VEPH1: variants seen among roughly 807,000 people sequenced by gnomAD.
VEPH1 encodes the protein ventricular zone-expressed PH domain-containing protein homolog 1.
Under a neutral mutation model 85.2 loss-of-function variants are expected in VEPH1, and 80 were observed. That is an observed-to-expected ratio of 0.94 (90% CI 0.78 to 1.13). VEPH1 has a LOEUF of 1.13. Among genes scored for constraint, VEPH1 ranks in the 50% most tolerant of loss-of-function variants. The pLI is 0.00. For synonymous variants in VEPH1, 297 were observed against 348.0 expected (o/e 0.85, Z 1.63); for missense variants, 955 against 980.5 (o/e 0.97, Z 0.35).
At chr3:157,281,986 G>T (rs1177915263) in intron 12 of VEPH1, among the ~76,000 whole-genome samples, 2 of 152,004 alleles carry the variant, frequency 1.3e-5, no homozygotes, top group Non-Finnish European at 2.9e-5. Context: ...TTTCACATTG[G>T]CATCTAGAGT....
chr3:157,261,175 C>T lies in VEPH1; in HGVS notation c.2461G>A (p.Ala821Thr). The T allele has an allele frequency of 6.2e-7, 1 of 1,613,758 alleles. No homozygotes were observed. Among genetic ancestry groups the T allele is most frequent in the East Asian group, 2.2e-5 (1 of 44,874 alleles). ...ACTTCTCTACTTTCCCTTTCTTTGG[C>T]TTGGGCAACTGCCACGTTGATGCAC... The part of the protein sequence containing the change: ...LQCINVAVAQ[A>T]KERESREVTT... The change falls in exon 14 of 14, where the codon GCC (alanine) becomes ACC (threonine). Residue 821 changes from alanine (A) to threonine (T), a missense_variant. By Grantham distance (58) the Ala-to-Thr change is moderately conservative. Coordinates refer to ENST00000362010, the MANE Select transcript of VEPH1 (RefSeq NM_001167912.2).
chr3:157,468,744 T>G (rs774337252), intron 3 of VEPH1, among the ~76,000 whole-genome samples: 1 of 152,154 alleles, frequency 6.6e-6, no homozygotes, highest in African/African-American at 2.4e-5. Context: ...AAGTGGCTAC[T>G]AGAATTTTTT....
intron 5 of VEPH1, among the ~76,000 whole-genome samples, chr3:157,415,705 C>T (rs780344675): frequency 6.6e-6 from 1 of 152,160 alleles, no homozygotes; most frequent in Admixed American, 6.6e-5. Context: ...TCCCGCAGTC[C>T]AGTTCCCACT....
At chr3:157,388,962 G>C (rs565541758) in intron 6 of VEPH1, among the ~76,000 whole-genome samples, 4 of 152,158 alleles carry the variant, frequency 2.6e-5, no homozygotes, top group African/African-American at 9.6e-5. Flanking sequence ...ATAATATGTT[G>C]ATTCTTGTTA....
chr3:157,408,406 T>C (rs924759351), intron 6 of VEPH1, among the ~76,000 whole-genome samples: 5 of 152,166 alleles, frequency 3.3e-5, no homozygotes, highest in African/African-American at 1.2e-4. Context: ...TTATGTCATC[T>C]AGAATAAGTA....
intron 11 of VEPH1, among the ~76,000 whole-genome samples, chr3:157,305,034 T>TTATATCTATCTATCTATCTATCTA (rs1719306551): frequency 1.5e-5 from 1 of 64,840 alleles, no homozygotes; most frequent in African/African-American, 7.0e-5. Flanking sequence ...CTGTGTATTG[T>TTATATCTATCTATCTATCTATCTA]TATATCTATC....
At chr3:157,292,946 G>C (rs1249222480) in intron 11 of VEPH1, among the ~76,000 whole-genome samples, 2 of 145,846 alleles carry the variant, frequency 1.4e-5, no homozygotes, top group Non-Finnish European at 3.0e-5. Context: ...TCGCACCATT[G>C]CACTCCAGTC....
chr3:157,311,531 T>C (rs548570993), intron 11 of VEPH1, among the ~76,000 whole-genome samples: 1 of 152,218 alleles, frequency 6.6e-6, no homozygotes, highest in Non-Finnish European at 1.5e-5. Flanking sequence ...TAATGTACAT[T>C]GCAGATATCA....
chr3:157,299,927 CATGT>C (rs1317603982), intron 11 of VEPH1, among the ~76,000 whole-genome samples: 4 of 152,134 alleles, frequency 2.6e-5, no homozygotes, highest in African/African-American at 9.7e-5. Context: ...ATGGACTTTA[CATGT>C]ATTATGTCTT....
intron 2 of VEPH1, among the ~76,000 whole-genome samples, chr3:157,492,511 C>T (rs1447261979): frequency 6.6e-6 from 1 of 152,086 alleles, no homozygotes; most frequent in Admixed American, 6.5e-5. Context: ...CATGGAAAAA[C>T]CCAAGGTCAC....
At chr3:157,347,876 C>T (rs1724408674) in intron 9 of VEPH1, among the ~76,000 whole-genome samples, 1 of 152,218 alleles carries the variant, frequency 6.6e-6, no homozygotes, top group Non-Finnish European at 1.5e-5. Flanking sequence ...TGATTAGGAA[C>T]ACAAAGTGTA....
intron 7 of VEPH1, among the ~76,000 whole-genome samples, chr3:157,369,194 A>AAAACAAAAAAAAAC (rs1727187239): frequency 6.9e-6 from 1 of 144,962 alleles, no homozygotes; most frequent in Non-Finnish European, 1.5e-5. Context: ...AAAAAAAAAA[A>AAAACAAAAAAAAAC]AAAAAAAAAA....
chr3:157,309,759 A>C (rs969129776), intron 11 of VEPH1, among the ~76,000 whole-genome samples: 1 of 151,690 alleles, frequency 6.6e-6, no homozygotes, highest in African/African-American at 2.4e-5. Context: ...AATTGATTGA[A>C]TTTATTTATT....
In VEPH1 at chr3:157,470,552, T is replaced by G; in HGVS notation, c.139-23A>C. The G allele has an allele frequency of 2.5e-6, 4 of 1,605,146 alleles. No individual in the cohort carries two copies. In the South Asian group the frequency reaches 4.4e-5, roughly 18 times the overall value. ...ATCCTGTTTGGAAAGAAAATCTTCA[T>G]GTTAAATAATACTCTAGAAAGTTAT... On this transcript the variant is annotated intron_variant, in intron 2 of 13. Transcript: ENST00000362010.
chr3:157,479,408 G>C (rs1288746378), intron 2 of VEPH1, among the ~76,000 whole-genome samples: 1 of 152,070 alleles, frequency 6.6e-6, no homozygotes, highest in Non-Finnish European at 1.5e-5. Flanking sequence ...TTATCAGGAT[G>C]GTTCACTCTC....
At chr3:157,393,533 A>C (rs1869858) in intron 6 of VEPH1, among the ~76,000 whole-genome samples, 5,454 of 152,298 alleles carry the variant, frequency 0.036, 134 homozygotes, top group Non-Finnish European at 0.054. Flanking sequence ...GTACAGCCTG[A>C]ATGTTTTATT....
At chr3:157,332,326 A>G (rs779236318) in intron 9 of VEPH1, among the ~76,000 whole-genome samples, 1 of 152,184 alleles carries the variant, frequency 6.6e-6, no homozygotes, top group Non-Finnish European at 1.5e-5. Flanking sequence ...ACCTATCACC[A>G]CTATCTAGTT....
intron 7 of VEPH1, among the ~76,000 whole-genome samples, chr3:157,370,079 G>A (rs1295434416): frequency 1.3e-5 from 2 of 152,128 alleles, no homozygotes; most frequent in Non-Finnish European, 2.9e-5. Context: ...CACATTACAA[G>A]AGGTTCAGAT....
intron 4 of VEPH1, among the ~76,000 whole-genome samples, chr3:157,448,404 C>T (rs772113573): frequency 5.3e-5 from 8 of 152,116 alleles, no homozygotes; most frequent in Non-Finnish European, 1.0e-4. Flanking sequence ...TTATTATGAT[C>T]ACTGATTCAG....
Sources: allele counts gnomAD v4.1 joint callset (sites outside exome capture counted in the v4.1 genomes callset), GRCh38; gene constraint gnomAD v4.1.1; transcripts MANE v1.5; gene names NCBI Gene and HGNC (gene_info 2026-07-23, HGNC 2026-07-21).